CCNB3: variants seen among roughly 807,000 people sequenced by gnomAD.
CCNB3 encodes the protein G2/mitotic-specific cyclin-B3.
In CCNB3, 12 loss-of-function variants were observed where a neutral mutation model predicts 68.0. The observed-to-expected ratio is 0.18, with a 90% CI of 0.11 to 0.29. The LOEUF (loss-of-function observed/expected upper bound fraction) is 0.29, where lower values mean the gene tolerates loss of function less well. Among genes scored for constraint, CCNB3 ranks in the 10% least tolerant of loss-of-function variants. The probability of loss-of-function intolerance (pLI) is 1.00; values close to 1 mark genes in which losing one functional copy is unlikely to be tolerated. For missense variants in CCNB3, 904 were observed against 993.1 expected (o/e 0.91, Z 1.21); for synonymous variants, 354 against 388.9 (o/e 0.91, Z 1.06).
intron 5 of CCNB3, among the ~76,000 whole-genome samples, chrX:50,300,496 G>A (rs1248525812): frequency 8.9e-6 from 1 of 111,944 alleles, no homozygotes; most frequent in African/African-American, 3.2e-5. Context: ...TTTCTGCCGA[G>A]AGATCTGCTG....
intron 5 of CCNB3, among the ~76,000 whole-genome samples, chrX:50,298,965 G>T (rs1236143111): frequency 5.4e-5 from 6 of 111,596 alleles, no homozygotes; most frequent in African/African-American, 2.0e-4. Context: ...ATTTCTGTGG[G>T]ATCGGTGGTG....
At chrX:50,295,164 G>C (rs1421283629) in intron 5 of CCNB3, among the ~76,000 whole-genome samples, 171 bp downstream of exon 5, 4 of 111,709 alleles carry the variant, frequency 3.6e-5, no homozygotes, top group Admixed American at 1.9e-4. Context: ...AGCCTCTTCT[G>C]TCTCTCCTCT....
intron 1 of CCNB3, among the ~76,000 whole-genome samples, chrX:50,227,357 A>C (rs1314265398): frequency 1.2e-5 from 1 of 84,062 alleles, no homozygotes; most frequent in Admixed American, 1.7e-4. Context: ...ATATATAAAT[A>C]TACTCACAGA....
At chrX:50,293,241 A>G (rs1048334393) in intron 4 of CCNB3, among the ~76,000 whole-genome samples, 2 of 110,753 alleles carry the variant, frequency 1.8e-5, no homozygotes, top group Non-Finnish European at 3.8e-5. Flanking sequence ...GACTGTGTCT[A>G]TTTTATTCTT....
chrX:50,215,232 A>C (rs1018775755), intron 1 of CCNB3, among the ~76,000 whole-genome samples: 5 of 107,883 alleles, frequency 4.6e-5, no homozygotes, highest in African/African-American at 1.7e-4. Context: ...CTCGTGATCC[A>C]CCCGCCTCGG....
chrX:50,279,323 T>G, intron 1 of CCNB3, among the ~76,000 whole-genome samples: 1 of 67,828 alleles, frequency 1.5e-5, no homozygotes, highest in South Asian at 7.1e-4. Flanking sequence ...TAATATATAT[T>G]TAAATATATA....
chrX:50,351,073 T>C (rs1403923344), intron 11 of CCNB3, among the ~76,000 whole-genome samples, 168 bp from the exon 12 acceptor site: 3 of 111,856 alleles, frequency 2.7e-5, no homozygotes, highest in Non-Finnish European at 5.6e-5. Flanking sequence ...TTCTTCTATA[T>C]AGCATAGTAT....
intron 1 of CCNB3, among the ~76,000 whole-genome samples, chrX:50,226,902 A>G (rs1291728806): frequency 1.4e-5 from 1 of 71,477 alleles, no homozygotes. Flanking sequence ...GTATATATAT[A>G]GAATATATAG....
intron 8 of CCNB3, 70 bp downstream of exon 8, chrX:50,314,018 C>T: frequency 1.2e-6 from 1 of 803,059 alleles, no homozygotes; most frequent in East Asian, 3.1e-5. Flanking sequence ...AGGCCAAAAA[C>T]ATGGTAAAAA....
At chrX:50,300,930 A>G (rs1362123566) in intron 5 of CCNB3, among the ~76,000 whole-genome samples, 3 of 111,234 alleles carry the variant, frequency 2.7e-5, no homozygotes, top group African/African-American at 9.8e-5. Flanking sequence ...CGCCTTGTTT[A>G]CTGAGGCTTG....
At chrX:50,326,400 T>G (rs1173089720) in intron 8 of CCNB3, among the ~76,000 whole-genome samples, 1 of 112,111 alleles carries the variant, frequency 8.9e-6, no homozygotes, top group African/African-American at 3.2e-5. Context: ...AGTTCATTAT[T>G]TCTTTGACTC....
Position 50,310,191 on chromosome X carries a change from A to G in CCNB3, c.2022A>G (p.Glu674=), listed in dbSNP as rs782483360. The change falls in exon 6 of 13, where the codon GAA becomes GAG. Residue 674 remains glutamate (E), a synonymous_variant. Coordinates refer to ENST00000376042, the MANE Select transcript of CCNB3 (RefSeq NM_033031.3). ...CCACTGAGGAGGAATTCTCTCAGGA[A>G]CTATTTTCATTGCATGTTAAGCATA... ...KATTEEEFSQ[E]LFSLHVKHTN... is the part of the protein sequence containing the mutation. 6 of 1,209,504 alleles carry G rather than the reference A, an allele frequency of 5.0e-6. No homozygotes were observed. In the Admixed American group the frequency reaches 1.1e-4, roughly 22 times the overall value.
intron 1 of CCNB3, among the ~76,000 whole-genome samples, chrX:50,279,164 T>C (rs1232525464): frequency 0.021 from 1 of 47 alleles, no homozygotes; most frequent in African/African-American, 0.038. Flanking sequence ...ATATATATTC[T>C]ATATATATAT....
At chrX:50,302,588 A>T (rs912114324) in intron 5 of CCNB3, among the ~76,000 whole-genome samples, 9 of 111,625 alleles carry the variant, frequency 8.1e-5, no homozygotes, top group Admixed American at 5.7e-4. Context: ...AACTCCAAAG[A>T]AACCCTGTAC....
chrX:50,295,134 G>A (rs1302677679), intron 5 of CCNB3, 141 bp downstream of exon 5: 4 of 560,875 alleles, frequency 7.1e-6, no homozygotes, highest in Non-Finnish European at 8.1e-6. Flanking sequence ...CTCAGCTGTG[G>A]TTGCTGAAGA....
intron 5 of CCNB3, among the ~76,000 whole-genome samples, chrX:50,306,588 G>T (rs1485007761): frequency 8.9e-6 from 1 of 111,736 alleles, no homozygotes; most frequent in Non-Finnish European, 1.9e-5. Context: ...CATCAAGTAC[G>T]ATGTTTGCTT....
chrX:50,351,079 A>C (rs1416676252), intron 11 of CCNB3, among the ~76,000 whole-genome samples, 162 bp from the exon 12 acceptor site: 1 of 112,067 alleles, frequency 8.9e-6, no homozygotes, highest in Non-Finnish European at 1.9e-5. Context: ...TATATAGCAT[A>C]GTATAATTAT....
intron 5 of CCNB3, among the ~76,000 whole-genome samples, chrX:50,300,015 G>A (rs1250421103): frequency 2.7e-5 from 3 of 111,025 alleles, no homozygotes; most frequent in East Asian, 5.6e-4. Flanking sequence ...TTTATTTTGA[G>A]CCTGTGTGTA....
At chrX:50,286,747 T>C (rs1936246436) in intron 3 of CCNB3, among the ~76,000 whole-genome samples, 1 of 110,452 alleles carries the variant, frequency 9.1e-6, no homozygotes, top group Non-Finnish European at 1.9e-5. Flanking sequence ...CCTCCCAGGT[T>C]CAAGCAATTC....
Sources: allele counts gnomAD v4.1 joint callset (sites outside exome capture counted in the v4.1 genomes callset), GRCh38; gene constraint gnomAD v4.1.1; transcripts MANE v1.5; gene names NCBI Gene and HGNC (gene_info 2026-07-23, HGNC 2026-07-21).